The following CLSTN2 variants were observed in gnomAD, a reference collection of about 807,000 sequenced individuals.
The protein encoded by CLSTN2 is calsyntenin-2.
In CLSTN2, 48 loss-of-function variants were observed where a neutral mutation model predicts 101.2. The ratio of observed to expected loss-of-function variants is 0.47; its 90% confidence interval spans 0.38 to 0.60. The LOEUF (loss-of-function observed/expected upper bound fraction) is 0.60, where lower values mean the gene tolerates loss of function less well. Among genes scored for constraint, CLSTN2 ranks in the 20% least tolerant of loss-of-function variants. The probability of loss-of-function intolerance (pLI) is 0.00; values close to 1 mark genes in which losing one functional copy is unlikely to be tolerated. For synonymous variants in CLSTN2, 481 were observed against 463.6 expected, an observed-to-expected ratio of 1.04 and a Z score of -0.48; for missense variants, 1,160 against 1,238.2, an observed-to-expected ratio of 0.94 and a Z score of 0.95.
intron 2 of CLSTN2, among the ~76,000 whole-genome samples, chr3:140,314,807 A>G (rs1369526921): frequency 2.0e-5 from 3 of 151,898 alleles, no homozygotes; most frequent in African/African-American, 7.3e-5. Flanking sequence ...AGGCCCACTC[A>G]TTGGTTTAGT....
chr3:140,357,532 AGAG>A (rs140459392), intron 2 of CLSTN2, among the ~76,000 whole-genome samples: 7,337 of 152,084 alleles, frequency 0.048, 239 homozygotes, highest in South Asian at 0.1. Context: ...GCCCTCTGGG[AGAG>A]GTTGCCATGA....
chr3:140,073,786 CTG>C (rs1576417580), intron 1 of CLSTN2, among the ~76,000 whole-genome samples: 2 of 152,212 alleles, frequency 1.3e-5, no homozygotes, highest in African/African-American at 2.4e-5. Flanking sequence ...CATGGTTTAA[CTG>C]TGGTTATTTA....
intron 8 of CLSTN2, among the ~76,000 whole-genome samples, chr3:140,473,323 C>T (rs747281841): frequency 6.6e-5 from 10 of 152,118 alleles, no homozygotes; most frequent in East Asian, 1.9e-4. Flanking sequence ...CTGTGGCAGA[C>T]GAAATAATGG....
At chr3:140,033,680 C>T (rs1560075145) in intron 1 of CLSTN2, among the ~76,000 whole-genome samples, 1 of 152,206 alleles carries the variant, frequency 6.6e-6, no homozygotes, top group Non-Finnish European at 1.5e-5. Flanking sequence ...GAATATTCTT[C>T]AGGGTTCCTG....
intron 2 of CLSTN2, among the ~76,000 whole-genome samples, chr3:140,275,749 C>T (rs2086789233): frequency 6.6e-6 from 1 of 152,130 alleles, no homozygotes; most frequent in South Asian, 2.1e-4. Context: ...GTCTCACTCC[C>T]TTGACACTCA....
At chr3:140,151,606 C>A (rs1436435660) in intron 1 of CLSTN2, among the ~76,000 whole-genome samples, 6 of 151,932 alleles carry the variant, frequency 3.9e-5, no homozygotes, top group Non-Finnish European at 8.8e-5. Context: ...CGGGAGGATG[C>A]CTTGGAGGGT....
At chr3:140,557,369 C>T (rs1458132890) in intron 11 of CLSTN2, among the ~76,000 whole-genome samples, 1 of 152,012 alleles carries the variant, frequency 6.6e-6, no homozygotes. Context: ...GGACAGGCAC[C>T]AGAAAAAAAC....
chr3:140,058,563 T>A (rs564086515), intron 1 of CLSTN2, among the ~76,000 whole-genome samples: 1 of 152,134 alleles, frequency 6.6e-6, no homozygotes. Context: ...GAGCTCTCAA[T>A]TGTTTGTTTT....
At chr3:140,562,433 C>G in intron 13 of CLSTN2, 125 bp downstream of exon 13, 1 of 955,942 alleles carries the variant, frequency 1.0e-6, no homozygotes, top group Non-Finnish European at 1.5e-6. Context: ...AGTTGGAGAT[C>G]CTTGGCCTCA....
chr3:140,115,915 A>G (rs1258108306), intron 1 of CLSTN2, among the ~76,000 whole-genome samples: 1 of 152,178 alleles, frequency 6.6e-6, no homozygotes, highest in Non-Finnish European at 1.5e-5. Context: ...TTGTTAGGCT[A>G]AGAAATCGGA....
At chr3:140,460,228 G>T (rs1933525341) in intron 7 of CLSTN2, 1 of 178,046 alleles carries the variant, frequency 5.6e-6, no homozygotes, top group South Asian at 1.3e-4. Flanking sequence ...GAAAACCTCT[G>T]ACATATATAG....
chr3:140,118,679 G>C (rs2009286215), intron 1 of CLSTN2, among the ~76,000 whole-genome samples: 1 of 152,086 alleles, frequency 6.6e-6, no homozygotes, highest in South Asian at 2.1e-4. Context: ...TGGATAGGTG[G>C]GGGGCCCAGT....
intron 8 of CLSTN2, among the ~76,000 whole-genome samples, chr3:140,468,119 T>C (rs1933752289): frequency 6.6e-6 from 1 of 152,230 alleles, no homozygotes; most frequent in South Asian, 2.1e-4. Flanking sequence ...TTCCTCTGAG[T>C]TAGGAATTCT....
At chr3:140,562,750 CCT>C (rs1935944414) in intron 13 of CLSTN2, 59 bp from the exon 14 acceptor site, 11 of 1,578,194 alleles carry the variant, frequency 7.0e-6, no homozygotes, top group Middle Eastern at 2.2e-4. Context: ...TGGCTTGTCT[CCT>C]CTCTTCTCTT....
At chr3:140,014,172 A>G (rs116212036) in intron 1 of CLSTN2, among the ~76,000 whole-genome samples, 1,554 of 152,260 alleles carry the variant, frequency 0.01, 24 homozygotes, top group African/African-American at 0.033. Context: ...TAGAGAAGTA[A>G]TGTCGAGAGC....
At chr3:140,023,026 T>C (rs1369915848) in intron 1 of CLSTN2, among the ~76,000 whole-genome samples, 1 of 152,158 alleles carries the variant, frequency 6.6e-6, no homozygotes, top group Non-Finnish European at 1.5e-5. Flanking sequence ...GTTCCTCTGC[T>C]CTTCTTTGGG....
intron 4 of CLSTN2, among the ~76,000 whole-genome samples, chr3:140,407,833 G>GC (rs1286271584): frequency 6.6e-6 from 1 of 152,184 alleles, no homozygotes; most frequent in Non-Finnish European, 1.5e-5. Context: ...TGGTGATAGA[G>GC]CTAGGACTCA....
chr3:140,310,044 C>T (rs1360647723), intron 2 of CLSTN2, among the ~76,000 whole-genome samples: 4 of 152,054 alleles, frequency 2.6e-5, no homozygotes, highest in Non-Finnish European at 4.4e-5. Flanking sequence ...GGGTTCTAGC[C>T]TTCTCTGGTT....
chr3:140,321,645 G>A (rs934910342), intron 2 of CLSTN2, among the ~76,000 whole-genome samples: 1 of 152,054 alleles, frequency 6.6e-6, no homozygotes, highest in Admixed American at 6.5e-5. Flanking sequence ...GACCTGAGGA[G>A]GTACACACCC....
Sources: gnomAD v4.1 joint callset for allele counts (sites outside exome capture counted in the v4.1 genomes callset) on GRCh38, gnomAD v4.1.1 for gene constraint, MANE v1.5 for transcripts, NCBI Gene and HGNC (gene_info 2026-07-23, HGNC 2026-07-21) for gene names.